Variants in SNX25 observed in about 807,000 individuals in gnomAD.
SNX25 encodes the protein sorting nexin-25.
Under a neutral mutation model 113.7 loss-of-function variants are expected in SNX25, and 62 were observed. The ratio of observed to expected loss-of-function variants is 0.55; its 90% CI spans 0.44 to 0.67. The LOEUF (loss-of-function observed/expected upper bound fraction) is 0.67. SNX25 is among the 30% of genes least tolerant of loss of function. The pLI, the probability that SNX25 is intolerant of heterozygous loss-of-function variation, is 0.00. For synonymous variants in SNX25, 421 were observed against 436.2 expected (o/e 0.97, Z 0.43); for missense variants, 1,014 against 1,161.0 (o/e 0.87, Z 1.84).
chr4:185,278,697 G>T (rs927806963), intron 5 of SNX25, among the ~76,000 whole-genome samples: 1 of 152,102 alleles, frequency 6.6e-6, no homozygotes, highest in Non-Finnish European at 1.5e-5. Context: ...AAGCCATTAG[G>T]ACATTTTCAA....
At chr4:185,353,281 A>AT (rs2095324440) in intron 14 of SNX25, 1 of 464,522 alleles carries the variant, frequency 2.2e-6, no homozygotes, top group Admixed American at 3.5e-5. Context: ...AAATTAGCTT[A>AT]TTTTAAGCCT....
At chr4:185,212,043 G>A (rs1301230699) in intron 1 of SNX25, among the ~76,000 whole-genome samples, 1 of 152,166 alleles carries the variant, frequency 6.6e-6, no homozygotes, top group Non-Finnish European at 1.5e-5. Context: ...AATACTACCC[G>A]AAGATTTCAG....
Position 185,259,212 on chromosome 4 carries a change from T to C in SNX25, c.731+148T>C, listed in dbSNP as rs1345921030. On this transcript the variant is annotated intron_variant, in intron 3 of 18. Transcript: ENST00000652585. Reference sequence around the variant, plus strand: ...GATTTATTAAGGGGGAATAATTATGTTCTGGTAGAGTATTTTTTTTTTTTA... The same window carrying C: ...GATTTATTAAGGGGGAATAATTATGCTCTGGTAGAGTATTTTTTTTTTTTA... 3 of 690,072 alleles carry C rather than the reference T, an allele frequency of 4.3e-6. No individual in the cohort carries two copies. In the East Asian group the frequency reaches 8.4e-5, roughly 19 times the overall value. 42.7% of individuals were successfully genotyped at this position (690,072 alleles called of 1,614,324 possible). A position where few individuals can be genotyped will look rare whatever the true frequency, so the allele number is the denominator to read the frequency against.
intron 1 of SNX25, among the ~76,000 whole-genome samples, chr4:185,239,724 G>C (rs1009441364): frequency 2.2e-5 from 3 of 135,662 alleles, no homozygotes; most frequent in Admixed American, 2.2e-4. Flanking sequence ...GTTTTTTTTT[G>C]TGTGTGTTTT....
At chr4:185,220,967 G>C (rs147644118) in intron 1 of SNX25, among the ~76,000 whole-genome samples, 1 of 151,840 alleles carries the variant, frequency 6.6e-6, no homozygotes, top group Non-Finnish European at 1.5e-5. Context: ...GGGCTCTTGT[G>C]ATCCTCCATG....
At chr4:185,357,799 TAC>T in intron 16 of SNX25, 62 bp downstream of exon 16, 1 of 1,317,374 alleles carries the variant, frequency 7.6e-7, no homozygotes, top group African/African-American at 1.4e-5. Flanking sequence ...ACAGTCAAAT[TAC>T]CTTATGATCT....
chr4:185,374,725 G>T (rs1239113547), downstream of SNX25, among the ~76,000 whole-genome samples: 1 of 152,160 alleles, frequency 6.6e-6, no homozygotes, highest in Non-Finnish European at 1.5e-5. Context: ...TGCCTGAGTT[G>T]ATTTAAGTCT....
chr4:185,372,875 A>T (rs750569940), downstream of SNX25: 23 of 1,608,388 alleles, frequency 1.4e-5, no homozygotes, highest in Admixed American at 3.2e-4. Context: ...AATGCAACAC[A>T]CTTTGTAAAA....
intron 6 of SNX25, chr4:185,295,934 A>G (rs1025056740): frequency 7.2e-5 from 11 of 152,168 alleles, no homozygotes; most frequent in Non-Finnish European, 1.0e-4. Flanking sequence ...ATGACAAAAT[A>G]CCACAAACTG....
chr4:185,277,171 T>C (rs1271694581), intron 5 of SNX25, among the ~76,000 whole-genome samples: 1 of 152,092 alleles, frequency 6.6e-6, no homozygotes, highest in East Asian at 1.9e-4. Context: ...ATTACAGGCG[T>C]GTGCTACCAC....
At chr4:185,241,599 A>ATT (rs977906104) in intron 1 of SNX25, among the ~76,000 whole-genome samples, 24 of 107,652 alleles carry the variant, frequency 2.2e-4, no homozygotes, top group African/African-American at 9.3e-4. Context: ...GGACAGGTGT[A>ATT]TTTTTTTTTT....
chr4:185,321,262 ATTT>A (rs556737428), intron 8 of SNX25, among the ~76,000 whole-genome samples: 1,872 of 137,218 alleles, frequency 0.014, 34 homozygotes, highest in African/African-American at 0.047. Context: ...TTTCATTTCA[ATTT>A]TTTTTTTTTT....
chr4:185,265,938 G>A (rs1161613502), intron 4 of SNX25, among the ~76,000 whole-genome samples: 1 of 152,106 alleles, frequency 6.6e-6, no homozygotes, highest in African/African-American at 2.4e-5. Flanking sequence ...ACATAATTTT[G>A]TGAACTTGGA....
chr4:185,281,062 G>A (rs187147361), intron 5 of SNX25, among the ~76,000 whole-genome samples: 2 of 151,808 alleles, frequency 1.3e-5, no homozygotes, highest in African/African-American at 2.4e-5. Flanking sequence ...CTTTTCCCTC[G>A]TTTGGAGAGA....
chr4:185,239,997 G>GT (rs1743444186), intron 1 of SNX25, among the ~76,000 whole-genome samples: 1 of 150,736 alleles, frequency 6.6e-6, no homozygotes, highest in African/African-American at 2.4e-5. Flanking sequence ...TCAAGCATCT[G>GT]TTTAACAAAG....
At chr4:185,306,089 C>T (rs369345125) in intron 6 of SNX25, among the ~76,000 whole-genome samples, 1 of 152,186 alleles carries the variant, frequency 6.6e-6, no homozygotes, top group African/African-American at 2.4e-5. Context: ...AGCTGGGTCA[C>T]GGGGTGTTGT....
At chr4:185,320,140 G>A (rs2095108331) in intron 7 of SNX25, among the ~76,000 whole-genome samples, 1 of 152,066 alleles carries the variant, frequency 6.6e-6, no homozygotes, top group Non-Finnish European at 1.5e-5. Flanking sequence ...ATACCCAAGG[G>A]AATATAAACC....
chr4:185,371,311 A>G (rs4861662), downstream of SNX25, among the ~76,000 whole-genome samples: 57,533 of 151,854 alleles, frequency 0.38, 13,325 homozygotes, highest in African/African-American at 0.66. Context: ...AGGCCAAGGC[A>G]GGCGGATCAC....
intron 8 of SNX25, among the ~76,000 whole-genome samples, chr4:185,321,147 A>G (rs2095116507): frequency 6.6e-6 from 1 of 152,162 alleles, no homozygotes; most frequent in Non-Finnish European, 1.5e-5. Context: ...AAAGACATAT[A>G]CATATCCACA....
Sources: gnomAD v4.1 joint callset for allele counts (sites outside exome capture counted in the v4.1 genomes callset) on GRCh38, gnomAD v4.1.1 for gene constraint, MANE v1.5 for transcripts, NCBI Gene and HGNC (gene_info 2026-07-23, HGNC 2026-07-21) for gene names.